The following BBS9 variants were observed in gnomAD, a reference collection of about 807,000 sequenced individuals.
The protein encoded by BBS9 is Bardet-Biedl syndrome 9, also known as protein PTHB1.
BBS9 carries 89 observed loss-of-function variants against 117.7 expected under a neutral mutation model. That is an observed-to-expected ratio of 0.76 (90% confidence interval 0.64 to 0.90). The LOEUF is 0.90. BBS9 is among the 40% of genes least tolerant of loss of function. The pLI is 0.00. For missense variants in BBS9, 982 were observed against 1,042.2 expected (o/e 0.94, Z 0.80); for synonymous variants, 379 against 370.9 (o/e 1.02, Z -0.25).
chr7:33,509,917 C>T (rs1186080736), intron 20 of BBS9, among the ~76,000 whole-genome samples: 1 of 152,190 alleles, frequency 6.6e-6, no homozygotes, highest in Non-Finnish European at 1.5e-5. Context: ...TGATCTGTCT[C>T]TTTAATGATG....
intron 21 of BBS9, among the ~76,000 whole-genome samples, chr7:33,624,960 G>A (rs1008768919): frequency 6.6e-6 from 1 of 152,112 alleles, no homozygotes; most frequent in Non-Finnish European, 1.5e-5. Context: ...AATGTGTACG[G>A]CCATAATTGT....
chr7:33,491,578 G>A (rs562289408), intron 19 of BBS9, among the ~76,000 whole-genome samples: 1 of 152,296 alleles, frequency 6.6e-6, no homozygotes, highest in East Asian at 1.9e-4. Context: ...CCTACTGTGT[G>A]TTAGGCCCTA....
intron 19 of BBS9, among the ~76,000 whole-genome samples, chr7:33,503,531 C>A (rs1845736026): frequency 1.6e-5 from 1 of 62,340 alleles, no homozygotes; most frequent in African/African-American, 1.1e-4. Flanking sequence ...TATTTGCCTC[C>A]TTGACTGATT....
intron 5 of BBS9, among the ~76,000 whole-genome samples, chr7:33,195,132 T>A (rs1452990613): frequency 6.6e-6 from 1 of 152,184 alleles, no homozygotes; most frequent in Non-Finnish European, 1.5e-5. Flanking sequence ...GGGAGGTTTT[T>A]CTATAAGCTT....
intron 4 of BBS9, among the ~76,000 whole-genome samples, chr7:33,160,304 G>A (rs867855020): frequency 7.2e-5 from 11 of 152,286 alleles, no homozygotes; most frequent in Middle Eastern, 3.4e-3. Context: ...AACCTGTGAC[G>A]TAGGTTAAGA....
chr7:33,507,345 A>C (rs1483949037), intron 20 of BBS9, among the ~76,000 whole-genome samples: 1 of 152,128 alleles, frequency 6.6e-6, no homozygotes, highest in Non-Finnish European at 1.5e-5. Flanking sequence ...GGTTCAAGCG[A>C]ATCTCCTGCC....
intron 9 of BBS9, among the ~76,000 whole-genome samples, chr7:33,310,438 A>G (rs920831149): frequency 4.6e-5 from 7 of 152,158 alleles, no homozygotes; most frequent in African/African-American, 1.7e-4. Context: ...ATAACAATTC[A>G]CTCATTCTGG....
intron 13 of BBS9, 93 bp downstream of exon 13, chr7:33,349,263 A>G (rs747065312): frequency 1.1e-6 from 1 of 907,978 alleles, no homozygotes; most frequent in Non-Finnish European, 1.8e-6. Context: ...TCATGTCTGA[A>G]TGGTGAGATT....
intron 17 of BBS9, among the ~76,000 whole-genome samples, chr7:33,371,569 G>A (rs1021903791): frequency 1.3e-5 from 2 of 152,148 alleles, no homozygotes; most frequent in African/African-American, 2.4e-5. Context: ...TCATAAGTCC[G>A]TGAAGAAGAG....
At chr7:33,275,408 G>C (rs1227083667) in intron 9 of BBS9, among the ~76,000 whole-genome samples, 4 of 152,156 alleles carry the variant, frequency 2.6e-5, no homozygotes, top group African/African-American at 9.6e-5. Context: ...GATTTACTTA[G>C]AAGGATTTAG....
intron 8 of BBS9, 97 bp downstream of exon 8, chr7:33,273,292 T>C: frequency 8.0e-7 from 1 of 1,253,854 alleles, no homozygotes; most frequent in Non-Finnish European, 1.1e-6. Context: ...TAAACATATA[T>C]GAAAACAGTT....
In BBS9 at chr7:33,526,191, A is replaced by T. The variant is rs375428885; in HGVS notation, c.2299-7763A>T. Reference sequence around the variant, plus strand: ...CTGGCTGCCCTTAACATTTTTTCCTACATTTCAACTTTGGTGAATCTGACA... The same window carrying T: ...CTGGCTGCCCTTAACATTTTTTCCTTCATTTCAACTTTGGTGAATCTGACA... On this transcript the variant is annotated intron_variant, in intron 20 of 22. Transcript: ENST00000242067. Among the ~76,000 whole-genome samples the T allele has an allele frequency of 8.4e-4, 128 of 151,532 alleles. 2 individuals carry two copies. Among genetic ancestry groups the T allele is most frequent in the African/African-American group, 2.7e-3 (110 of 41,220 alleles).
At chr7:33,354,092 GA>G (rs1176639838) in intron 15 of BBS9, among the ~76,000 whole-genome samples, 1 of 151,892 alleles carries the variant, frequency 6.6e-6, no homozygotes, top group Non-Finnish European at 1.5e-5. Flanking sequence ...AAACTATGAG[GA>G]AAAAACCCAC....
At chr7:33,347,025 TA>T (rs138132634) in intron 12 of BBS9, among the ~76,000 whole-genome samples, 10,766 of 152,206 alleles carry the variant, frequency 0.071, 736 homozygotes, top group Admixed American at 0.23. Flanking sequence ...CACAGTTGGT[TA>T]AAGGCATGGG....
chr7:33,522,550 G>A (rs1171790009), intron 20 of BBS9, among the ~76,000 whole-genome samples: 1 of 152,138 alleles, frequency 6.6e-6, no homozygotes, highest in Non-Finnish European at 1.5e-5. Flanking sequence ...GTCTTCTTTT[G>A]AGAAGTGTCT....
At chr7:33,595,941 T>C (rs1243823043) in intron 21 of BBS9, among the ~76,000 whole-genome samples, 1 of 151,988 alleles carries the variant, frequency 6.6e-6, no homozygotes, top group African/African-American at 2.4e-5. Context: ...AAACACCACA[T>C]GTTCTCACTT....
chr7:33,213,469 T>C (rs1583657083), intron 5 of BBS9, among the ~76,000 whole-genome samples: 1 of 152,348 alleles, frequency 6.6e-6, no homozygotes, highest in South Asian at 2.1e-4. Flanking sequence ...TGCTTGTTGC[T>C]CTACCTCAGT....
In BBS9 at chr7:33,260,060, C is replaced by T. The variant is rs146579878; in HGVS notation, c.617+2650C>T. Among the ~76,000 whole-genome samples the T allele has an allele frequency of 6.7e-5, 10 of 148,474 alleles. 1 individual carries two copies. Among genetic ancestry groups the T allele is most frequent in the African/African-American group, 2.2e-4 (9 of 40,120 alleles). On this transcript the variant is annotated intron_variant, in intron 6 of 22. Transcript: ENST00000242067. ...TGTCGCCCAGGCTGGAGTGCAGTGG[C>T]GCGATTTTGGCTCACTGCAACCTCT... is the stretch of plus-strand genomic sequence containing the variant.
chr7:33,275,861 A>T (rs964830306), intron 9 of BBS9, among the ~76,000 whole-genome samples: 2 of 152,184 alleles, frequency 1.3e-5, no homozygotes, highest in Non-Finnish European at 2.9e-5. Context: ...TTATGAGTTA[A>T]CAGTCAATAA....
Sources: gnomAD v4.1 joint callset for allele counts (sites outside exome capture counted in the v4.1 genomes callset) on GRCh38, gnomAD v4.1.1 for gene constraint, MANE v1.5 for transcripts, NCBI Gene and HGNC (gene_info 2026-07-23, HGNC 2026-07-21) for gene names.